The following LPIN2 variants were observed in gnomAD, a reference collection of about 807,000 sequenced individuals.
The protein encoded by LPIN2 is phosphatidate phosphatase LPIN2.
A neutral mutation model predicts 111.4 loss-of-function variants in LPIN2; 55 were observed. The observed-to-expected ratio is 0.49, with a 90% CI of 0.40 to 0.62. The LOEUF (loss-of-function observed/expected upper bound fraction) is 0.62. LPIN2 is among the 20% of genes least tolerant of loss of function. The pLI, the probability that LPIN2 is intolerant of heterozygous loss-of-function variation, is 0.00. For synonymous variants in LPIN2, 425 were observed against 414.0 expected (o/e 1.03, Z -0.32); for missense variants, 992 against 1,112.1 (o/e 0.89, Z 1.54).
chr18:2,947,817 C>T (rs1163072146), intron 4 of LPIN2, among the ~76,000 whole-genome samples: 1 of 152,174 alleles, frequency 6.6e-6, no homozygotes, highest in Non-Finnish European at 1.5e-5. Flanking sequence ...AATTGATTTC[C>T]TTTTCTTTTT....
At chr18:2,961,531 C>T (rs188560335) in intron 1 of LPIN2, among the ~76,000 whole-genome samples, 1 of 152,282 alleles carries the variant, frequency 6.6e-6, no homozygotes, top group East Asian at 1.9e-4. Flanking sequence ...GGGTTTTACT[C>T]TTGTTCCTCA....
At chr18:2,963,871 C>CT (rs1429775905) in intron 1 of LPIN2, among the ~76,000 whole-genome samples, 7 of 152,042 alleles carry the variant, frequency 4.6e-5, no homozygotes, top group South Asian at 4.2e-4. Context: ...CTGAAATACT[C>CT]TAACAATAAT....
intron 10 of LPIN2, 35 bp from the exon 11 acceptor site, chr18:2,928,695 C>T (rs2077171219): frequency 6.6e-7 from 1 of 1,509,544 alleles, no homozygotes; most frequent in Non-Finnish European, 9.2e-7. Flanking sequence ...AACCATTACA[C>T]AGTGAAAGTG....
At chr18:2,937,572 GT>G in intron 7 of LPIN2, 119 bp downstream of exon 7, 1 of 424,190 alleles carries the variant, frequency 2.4e-6, no homozygotes, top group Non-Finnish European at 4.2e-6. Context: ...AAAAAAAAAA[GT>G]GCGACGGGTT....
chr18:2,958,821 T>A (rs2077663114), intron 2 of LPIN2, among the ~76,000 whole-genome samples: 1 of 152,166 alleles, frequency 6.6e-6, no homozygotes, highest in Non-Finnish European at 1.5e-5. Flanking sequence ...GTGTTTTATC[T>A]ACTTGGTCAC....
chr18:2,994,960 A>G (rs113151303), intron 1 of LPIN2, among the ~76,000 whole-genome samples: 136 of 152,264 alleles, frequency 8.9e-4, no homozygotes, highest in African/African-American at 2.9e-3. Flanking sequence ...TTAGACAGGG[A>G]GTTTTATACC....
intron 1 of LPIN2, among the ~76,000 whole-genome samples, chr18:3,008,725 GTATT>G (rs2078554563): frequency 2.0e-5 from 3 of 151,874 alleles, no homozygotes; most frequent in African/African-American, 4.8e-5. Context: ...ACTTACTCAT[GTATT>G]TATTTATTCA....
At chr18:3,004,625 G>GA (rs2078483965) in intron 1 of LPIN2, among the ~76,000 whole-genome samples, 1 of 152,108 alleles carries the variant, frequency 6.6e-6, no homozygotes, top group Admixed American at 6.5e-5. Flanking sequence ...AATTACGAGG[G>GA]AAAATCCTTG....
intron 1 of LPIN2, among the ~76,000 whole-genome samples, chr18:2,986,977 C>G (rs1206291109): frequency 6.6e-6 from 1 of 151,656 alleles, no homozygotes; most frequent in African/African-American, 2.4e-5. Flanking sequence ...GGGTGGAGGT[C>G]GGGGGTGAAG....
At chr18:2,974,719 C>T (rs998402053) in intron 1 of LPIN2, among the ~76,000 whole-genome samples, 5 of 152,164 alleles carry the variant, frequency 3.3e-5, no homozygotes, top group African/African-American at 7.2e-5. Flanking sequence ...AGGCTGCGTG[C>T]GTTGGCTCAC....
intron 13 of LPIN2, 27 bp downstream of exon 13, chr18:2,926,696 G>C (rs996500659): frequency 1.2e-6 from 2 of 1,603,712 alleles, no homozygotes; most frequent in Non-Finnish European, 8.5e-7. Context: ...TGAGTGCTAT[G>C]AGCCGGGCAG....
intron 16 of LPIN2, 107 bp from the exon 17 acceptor site, chr18:2,922,306 ACT>A (rs1375874435): frequency 2.3e-6 from 3 of 1,307,460 alleles, no homozygotes; most frequent in Middle Eastern, 2.1e-4. Context: ...TTTGAGTCTC[ACT>A]CTGTTACCCA....
chr18:3,007,002 TAAA>T (rs577110033), intron 1 of LPIN2, among the ~76,000 whole-genome samples: 1 of 142,816 alleles, frequency 7.0e-6, no homozygotes, highest in Non-Finnish European at 1.5e-5. Flanking sequence ...CTTGTCTCTT[TAAA>T]AAAAAAAAAA....
chr18:2,971,883 C>T (rs2077921694), intron 1 of LPIN2, among the ~76,000 whole-genome samples: 1 of 151,668 alleles, frequency 6.6e-6, no homozygotes, highest in South Asian at 2.1e-4. Context: ...AAACTCTCTA[C>T]TAAAAACACA....
chr18:2,927,879 G>A, intron 11 of LPIN2, 68 bp from the exon 12 acceptor site: 2 of 1,287,368 alleles, frequency 1.6e-6, no homozygotes, highest in Non-Finnish European at 2.3e-6. Flanking sequence ...TTCTATGCTA[G>A]CCTGAAGGAC....
chr18:2,918,115 G>A lies in LPIN2; in HGVS notation c.*2178C>T, dbSNP rs1019517660. On this transcript the variant is annotated 3_prime_UTR_variant, in exon 20 of 20. Coordinates refer to ENST00000677752, the MANE Select transcript of LPIN2 (RefSeq NM_001375808.2). The stretch of plus-strand genomic sequence containing the variant: ...CAAGGAAAAAGACTCACATTAATTA[G>A]CCTATGTACCCACTGGATCAATCTG... 5 of 152,118 alleles carry A rather than the reference G, an allele frequency of 3.3e-5. No homozygotes were observed. The highest frequency in any genetic ancestry group is 1.2e-4 in the African/African-American group (5 of 41,396). 9.4% of individuals were successfully genotyped at this position (152,118 alleles called of 1,614,324 possible). A position where few individuals can be genotyped will look rare whatever the true frequency, so the allele number is the denominator to read the frequency against.
chr18:2,986,755 G>A (rs1365945338), intron 1 of LPIN2, among the ~76,000 whole-genome samples: 1 of 152,194 alleles, frequency 6.6e-6, no homozygotes, highest in Non-Finnish European at 1.5e-5. Context: ...GGAGACAAGA[G>A]AGACAATACT....
At chr18:3,012,456 T>C (rs2078620500) in intron 1 of LPIN2, among the ~76,000 whole-genome samples, 1 of 152,020 alleles carries the variant, frequency 6.6e-6, no homozygotes, top group Admixed American at 6.6e-5. Context: ...AAACTGTATC[T>C]GAACGTGTTC....
rs746027036 is a variant in LPIN2 at position 2,929,071 on chromosome 18, T to C, written c.1544A>G (p.Tyr515Cys). The stretch of plus-strand genomic sequence containing the variant: ...TAAAAGCAGGAGTATTTACCGATTA[T>C]ATATCCTTATTACAAGGTTAGGATT... ...IDNPNLVIRIYNRYYNWALAA... is the reference protein window; with the variant it reads ...IDNPNLVIRICNRYYNWALAA... The change falls in exon 10 of 20, where the codon TAT becomes TGT. Residue 515 changes from tyrosine (Y) to cysteine (C), a missense_variant. By Grantham distance (194) the Tyr-to-Cys change is radical. Coordinates refer to ENST00000677752, the MANE Select transcript of LPIN2 (RefSeq NM_001375808.2). The C allele has an allele frequency of 2.5e-6, 4 of 1,573,068 alleles. No individual in the cohort carries two copies. The highest frequency in any genetic ancestry group is 1.7e-5 in the Admixed American group (1 of 59,962).
Sources: allele counts gnomAD v4.1 joint callset (sites outside exome capture counted in the v4.1 genomes callset), GRCh38; gene constraint gnomAD v4.1.1; transcripts MANE v1.5; gene names NCBI Gene and HGNC (gene_info 2026-07-23, HGNC 2026-07-21).